The following ABCB11 variants were observed in gnomAD, a reference collection of about 807,000 sequenced individuals.
ABCB11 encodes ATP binding cassette subfamily B member 11.
Under a neutral mutation model 148.0 loss-of-function variants are expected in ABCB11, and 95 were observed. That is an observed-to-expected ratio of 0.64 (90% CI 0.54 to 0.76). The LOEUF (loss-of-function observed/expected upper bound fraction) is 0.76. Among genes scored for constraint, ABCB11 ranks in the 30% least tolerant of loss-of-function variants. The pLI is 0.00. For synonymous variants in ABCB11, 591 were observed against 555.4 expected, an observed-to-expected ratio of 1.06 and a Z score of -0.90; for missense variants, 1,523 against 1,617.8, an observed-to-expected ratio of 0.94 and a Z score of 1.01.
chr2:168,979,757 G>A (rs372464317), intron 11 of ABCB11, 109 bp downstream of exon 11: 10 of 505,080 alleles, frequency 2.0e-5, no homozygotes, highest in Non-Finnish European at 2.5e-5. Context: ...AGGGCCTTGC[G>A]ATAGCTTCTT....
chr2:169,026,328 C>T (rs1011004216), intron 1 of ABCB11, among the ~76,000 whole-genome samples: 4 of 152,102 alleles, frequency 2.6e-5, no homozygotes, highest in Non-Finnish European at 5.9e-5. Context: ...TGCCAAGGAG[C>T]TATACTTCAA....
At chr2:168,986,721 A>G (rs1322710465) in intron 9 of ABCB11, among the ~76,000 whole-genome samples, 1 of 152,142 alleles carries the variant, frequency 6.6e-6, no homozygotes, top group Non-Finnish European at 1.5e-5. Context: ...TAGTGTTTGC[A>G]CCAACTCATC....
At chr2:169,013,633 CTTAA>C (rs1194734865) in intron 4 of ABCB11, 123 bp from the exon 5 acceptor site, 1 of 701,880 alleles carries the variant, frequency 1.4e-6, no homozygotes, top group Non-Finnish European at 2.4e-6. Context: ...TGGGAATCAC[CTTAA>C]TTGAGTGGCA....
At chr2:168,982,337 C>T (rs1413994536) in intron 10 of ABCB11, among the ~76,000 whole-genome samples, 3 of 152,096 alleles carry the variant, frequency 2.0e-5, no homozygotes, top group Non-Finnish European at 4.4e-5. Flanking sequence ...TATAATGACA[C>T]CAATTACGGA....
At chr2:168,938,743 A>AG (rs1402556193) in intron 21 of ABCB11, among the ~76,000 whole-genome samples, 2 of 152,178 alleles carry the variant, frequency 1.3e-5, no homozygotes, top group African/African-American at 2.4e-5. Flanking sequence ...AAGGACTGTC[A>AG]GGCATTACAG....
intron 1 of ABCB11, among the ~76,000 whole-genome samples, chr2:169,029,198 G>T (rs1695787932): frequency 6.6e-6 from 1 of 151,816 alleles, no homozygotes; most frequent in Non-Finnish European, 1.5e-5. Flanking sequence ...TCACAGAGCT[G>T]CTCAGAGAGA....
At chr2:168,944,230 T>A (rs1692198608) in intron 21 of ABCB11, among the ~76,000 whole-genome samples, 1 of 151,970 alleles carries the variant, frequency 6.6e-6, no homozygotes, top group African/African-American at 2.4e-5. Context: ...TAAACCACAC[T>A]CTGGGGTCCT....
chr2:168,940,056 C>T (rs1189137452), intron 21 of ABCB11, among the ~76,000 whole-genome samples: 3 of 151,996 alleles, frequency 2.0e-5, no homozygotes, highest in Non-Finnish European at 4.4e-5. Context: ...CTCAGACCTC[C>T]CTATTACCTG....
intron 26 of ABCB11, 65 bp from the exon 27 acceptor site, chr2:168,924,868 C>A: frequency 7.4e-7 from 1 of 1,349,538 alleles, no homozygotes; most frequent in Non-Finnish European, 1.0e-6. Context: ...GTACTGAACT[C>A]ATGTCAAGGT....
chr2:168,936,169 A>T (rs930153416), intron 22 of ABCB11, 61 bp downstream of exon 22: 14 of 1,506,726 alleles, frequency 9.3e-6, no homozygotes, highest in African/African-American at 1.4e-5. Flanking sequence ...ACTCGTTTTT[A>T]ACAGTTTGTC....
intron 3 of ABCB11, 149 bp from the exon 4 acceptor site, chr2:169,014,503 C>T: frequency 1.4e-6 from 1 of 706,534 alleles, no homozygotes; most frequent in East Asian, 2.5e-5. Flanking sequence ...ATCTTAAACA[C>T]AAGCTTTATT....
intron 16 of ABCB11, among the ~76,000 whole-genome samples, chr2:168,968,967 G>T (rs1417278024): frequency 6.6e-6 from 1 of 151,892 alleles, no homozygotes; most frequent in Admixed American, 6.6e-5. Flanking sequence ...TGATAAAAAA[G>T]AAGGTGCACT....
intron 17 of ABCB11, 83 bp from the exon 18 acceptor site, chr2:168,964,391 T>A: frequency 9.2e-7 from 1 of 1,083,328 alleles, no homozygotes; most frequent in South Asian, 1.4e-5. Flanking sequence ...TTACATTTCA[T>A]ATGTCAAATA....
intron 25 of ABCB11, among the ~76,000 whole-genome samples, chr2:168,927,655 C>T (rs537087808): frequency 2.0e-5 from 3 of 152,236 alleles, no homozygotes; most frequent in South Asian, 2.1e-4. Context: ...TAAGAAACAA[C>T]GTCCCCTTAC....
intron 21 of ABCB11, among the ~76,000 whole-genome samples, chr2:168,937,843 G>T (rs189050155): frequency 1.3e-5 from 2 of 152,278 alleles, no homozygotes; most frequent in East Asian, 3.9e-4. Context: ...AATGGATTCA[G>T]TCCCAATATA....
chr2:169,012,201 T>C (rs1287287986), intron 5 of ABCB11, among the ~76,000 whole-genome samples: 1 of 152,128 alleles, frequency 6.6e-6, no homozygotes, highest in African/African-American at 2.4e-5. Context: ...CCATTCCTAG[T>C]GTCTTTCTAG....
At chr2:168,926,088 G>T (rs769672845) in intron 26 of ABCB11, among the ~76,000 whole-genome samples, 1 of 152,092 alleles carries the variant, frequency 6.6e-6, no homozygotes, top group East Asian at 1.9e-4. Context: ...CACTTATAAA[G>T]AAAAACAATT....
chr2:168,949,957 T>G (rs1460382409), intron 19 of ABCB11, among the ~76,000 whole-genome samples: 1 of 151,474 alleles, frequency 6.6e-6, no homozygotes, highest in Non-Finnish European at 1.5e-5. Flanking sequence ...CCTGCTGTAT[T>G]CTTCCTGCCC....
chr2:169,017,964 C>G, intron 2 of ABCB11, 86 bp downstream of exon 2: 3 of 1,127,874 alleles, frequency 2.7e-6, no homozygotes, highest in Non-Finnish European at 4.1e-6. Flanking sequence ...TGATTTTTTT[C>G]TGCTCCTTGA....
Sources: gnomAD v4.1 joint callset for allele counts (sites outside exome capture counted in the v4.1 genomes callset) on GRCh38, gnomAD v4.1.1 for gene constraint, MANE v1.5 for transcripts, NCBI Gene and HGNC (gene_info 2026-07-23, HGNC 2026-07-21) for gene names.